MMAB: variants seen among roughly 807,000 people sequenced by gnomAD.
The protein encoded by MMAB is metabolism of cobalamin associated B.
Under a neutral mutation model 30.6 loss-of-function variants are expected in MMAB, and 17 were observed. That is an observed-to-expected ratio of 0.56 (90% confidence interval 0.38 to 0.83). The LOEUF is 0.83. Among genes scored for constraint, MMAB ranks in the 40% least tolerant of loss-of-function variants. The probability of loss-of-function intolerance (pLI) is 0.00; values close to 1 mark genes in which losing one functional copy is unlikely to be tolerated. For synonymous variants in MMAB, 134 were observed against 138.6 expected (o/e 0.97, Z 0.23); for missense variants, 311 against 331.6 (o/e 0.94, Z 0.48).
chr12:109,568,700 G>T, intron 3 of MMAB, 70 bp downstream of exon 3: 4 of 1,196,098 alleles, frequency 3.3e-6, no homozygotes, highest in Non-Finnish European at 3.8e-6. Flanking sequence ...ATGCGTGAGA[G>T]CTTCACATTC....
In MMAB at chr12:109,568,796, A is replaced by T. The variant is rs1884532298; in HGVS notation, c.264T>A (p.Thr88=). Residue 88 remains threonine, a synonymous_variant, in exon 3 of 9, where the codon ACT becomes ACA. Coordinates refer to ENST00000545712, the MANE Select transcript of MMAB (RefSeq NM_052845.4). The stretch of plus-strand genomic sequence containing the variant: ...CAATAGCTGAACTTAATTCATCTGT[A>T]GTTCCCACGGCTTCAAACACTTGGT... ...KDDQVFEAVG[T]TDELSSAIGF... is the part of the protein sequence containing the mutation. The T allele has an allele frequency of 6.2e-7, 1 of 1,614,124 alleles. No individual in the cohort carries two copies.
intron 1 of MMAB, 118 bp downstream of exon 1, chr12:109,573,229 G>T: frequency 7.3e-7 from 1 of 1,372,510 alleles, no homozygotes; most frequent in Non-Finnish European, 1.0e-6. Context: ...CGTCAGAACA[G>T]CGTGGAGACG....
At position 109,561,854 on chromosome 12, in the gene MMAB, TG is replaced by T. The variant is rs759049347; in HGVS notation, c.349-3del. The T allele has an allele frequency of 1.9e-6, 3 of 1,602,908 alleles. No individual in the cohort carries two copies. The highest frequency in any genetic ancestry group is 2.2e-5 in the East Asian group (1 of 44,540). On this transcript the variant is annotated splice_region_variant and splice_polypyrimidine_tract_variant and intron_variant, in intron 4 of 8. Transcript: ENST00000545712. This position sits in a 1 kb window ranked among gnomAD's most constrained non-coding sequence, Gnocchi z 5.3. ...GACGTCCTGCAATGTGCACTGGATCTGGGGGGCGACAGAAAGTGACAGTCAA... is the reference window on the plus strand; with the variant it reads ...GACGTCCTGCAATGTGCACTGGATCTGGGGGCGACAGAAAGTGACAGTCAA...
chr12:109,561,136 G>C lies in MMAB; in HGVS notation c.520-32C>G. 6.2e-7 allele frequency: 1 copy of C among 1,605,624 alleles called. No homozygotes were observed. ...GGAGAAAGGGACATTGCCTGAGCAGGGTGGGAAAGGTGTGCCCACTGCGGA... is the reference window on the plus strand; with the variant it reads ...GGAGAAAGGGACATTGCCTGAGCAGCGTGGGAAAGGTGTGCCCACTGCGGA... On this transcript the variant is annotated intron_variant, in intron 6 of 8. Coordinates refer to ENST00000545712, the MANE Select transcript of MMAB (RefSeq NM_052845.4). The surrounding 1 kb of genome is among the most constrained non-coding windows in gnomAD (Gnocchi z 5.3).
chr12:109,559,024 G>T, intron 8 of MMAB, 72 bp downstream of exon 8: 2 of 1,155,006 alleles, frequency 1.7e-6, no homozygotes, highest in Non-Finnish European at 2.6e-6. Flanking sequence ...TTCCCGGACC[G>T]CTGCACCGCT....
chr12:109,573,467 C>T lies in MMAB; in HGVS notation c.14G>A (p.Gly5Asp), dbSNP rs769048646. Residue 5 changes from glycine (G) to aspartate (D), a missense_variant, in exon 1 of 9, where the codon GGC becomes GAC. Physicochemically the swap from Gly to Asp is moderately conservative, Grantham distance 94 (BLOSUM62 -1). Transcript: ENST00000545712. MAVC[G>D]LGSRLGLGSR... ...CCCCAGGCCAAGACGGCTCCCCAGGCCGCACACAGCCATGAGCCAGGCTGC... is the reference window on the plus strand; with the variant it reads ...CCCCAGGCCAAGACGGCTCCCCAGGTCGCACACAGCCATGAGCCAGGCTGC... The T allele has an allele frequency of 5.1e-5, 82 of 1,604,902 alleles. No homozygotes were observed. The highest frequency in any genetic ancestry group is 1.5e-4 in the South Asian group (14 of 90,448).
rs950116490 is a variant in MMAB at position 109,558,106 on chromosome 12, C to A, written c.645-970G>T. On this transcript the variant is annotated intron_variant, in intron 8 of 8. Transcript: ENST00000545712. The surrounding 1 kb of genome is among the most constrained non-coding windows in gnomAD (Gnocchi z 4.3). ...TCCTGAGTCCTCCCCTGACTCAGGCCCCCTGGGCCCCACGGCTGGCTCTCA... is the reference window on the plus strand; with the variant it reads ...TCCTGAGTCCTCCCCTGACTCAGGCACCCTGGGCCCCACGGCTGGCTCTCA... Among the ~76,000 whole-genome samples the A allele has an allele frequency of 2.6e-5, 4 of 152,312 alleles. No homozygotes were observed. The highest frequency in any genetic ancestry group is 2.6e-4 in the Admixed American group (4 of 15,302).
rs1566132093 is a variant in MMAB, at chr12:109,561,011, G to A, written c.584+29C>T. On this transcript the variant is annotated intron_variant, in intron 7 of 8. Transcript: ENST00000545712. The surrounding 1 kb of genome is among the most constrained non-coding windows in gnomAD (Gnocchi z 5.3). ...CCCTTGTTCCTCTCCCTCTCCCTTGGGCCCTCTCCCTCTCTCCAGCCCTCT... is the reference window on the plus strand; with the variant it reads ...CCCTTGTTCCTCTCCCTCTCCCTTGAGCCCTCTCCCTCTCTCCAGCCCTCT... 8.0e-7 allele frequency: 1 copy of A among 1,257,340 alleles called. No individual in the cohort carries two copies. The highest frequency in any genetic ancestry group is 1.6e-5 in the African/African-American group (1 of 64,094). The allele number at this position is 1,257,340 out of a possible 1,614,324, so 77.9% of individuals were successfully genotyped here. A position where few individuals can be genotyped will look rare whatever the true frequency, so the allele number is the denominator to read the frequency against.
At chr12:109,557,900 G>A (rs1410938116) in intron 8 of MMAB, among the ~76,000 whole-genome samples, 1 of 152,242 alleles carries the variant, frequency 6.6e-6, no homozygotes, top group South Asian at 2.1e-4. Flanking sequence ...CCTTCTGCAG[G>A]GGCAGCAGTG....
rs1434392120 is a variant in MMAB at position 109,561,028 on chromosome 12, C to T, written c.584+12G>A. 1.9e-6 allele frequency: 3 copies of T among 1,607,048 alleles called. No individual in the cohort carries two copies. Among genetic ancestry groups the T allele is most frequent in the Admixed American group, 1.7e-5 (1 of 59,914 alleles). ...CTCCCTTGGGCCCTCTCCCTCTCTCCAGCCCTCTTACCGTCTCTCGGCCCG... is the reference window on the plus strand; with the variant it reads ...CTCCCTTGGGCCCTCTCCCTCTCTCTAGCCCTCTTACCGTCTCTCGGCCCG... On this transcript the variant is annotated intron_variant, in intron 7 of 8. Transcript: ENST00000545712. The surrounding 1 kb of genome is among the most constrained non-coding windows in gnomAD (Gnocchi z 5.3).
intron 7 of MMAB, 56 bp from the exon 8 acceptor site, chr12:109,559,211 A>C: frequency 7.5e-7 from 1 of 1,338,390 alleles, no homozygotes; most frequent in Non-Finnish European, 1.1e-6. Flanking sequence ...ACAGGCTCTG[A>C]CCTGGGCCTA....
At chr12:109,572,766 G>A (rs72651707) in intron 1 of MMAB, among the ~76,000 whole-genome samples, 1 of 152,082 alleles carries the variant, frequency 6.6e-6, no homozygotes, top group South Asian at 2.1e-4. Context: ...AAAGAAACCT[G>A]AGCCACTTCC....
chr12:109,565,399 A>T (rs1884383253), intron 3 of MMAB, among the ~76,000 whole-genome samples: 1 of 152,182 alleles, frequency 6.6e-6, no homozygotes, highest in Non-Finnish European at 1.5e-5. Flanking sequence ...TCCAGTCAAG[A>T]ATTCCTTTTG....
At position 109,556,654 on chromosome 12, in the gene MMAB, A is replaced by T. The variant is rs549601416; in HGVS notation, c.*374T>A. On this transcript the variant is annotated 3_prime_UTR_variant, in exon 9 of 9. Coordinates refer to ENST00000545712, the MANE Select transcript of MMAB (RefSeq NM_052845.4). ...GCAGTGGGAGGGCTCTCTCTCACAC[A>T]CACACACACACACACACACACACAC... 0.017 allele frequency: 3,426 copies of T among 196,390 alleles called. 68 individuals carry two copies. The highest frequency in any genetic ancestry group is 0.094 in the African/African-American group (2,156 of 23,038). The allele number at this position is 196,390 out of a possible 1,614,324, so 12.2% of individuals were successfully genotyped here. A position where few individuals can be genotyped will look rare whatever the true frequency, so the allele number is the denominator to read the frequency against.
rs1884229293 is a variant in MMAB at position 109,561,948 on chromosome 12, G to A, written c.349-96C>T. On this transcript the variant is annotated intron_variant, in intron 4 of 8. Transcript: ENST00000545712. This position sits in a 1 kb window ranked among gnomAD's most constrained non-coding sequence, Gnocchi z 5.3. ...GCCACCTAATACGCCGGCAAAGCCT[G>A]TGCCAGCTAGCTCATGAAGGGCTGT... The A allele has an allele frequency of 1.9e-6, 2 of 1,060,404 alleles. No individual in the cohort carries two copies. The highest frequency in any genetic ancestry group is 5.2e-5 in the East Asian group (2 of 38,414). 65.7% of individuals were successfully genotyped at this position (1,060,404 alleles called of 1,614,324 possible). A position where few individuals can be genotyped will look rare whatever the true frequency, so the allele number is the denominator to read the frequency against.
chr12:109,555,274 G>GGTTTT lies in MMAB; in HGVS notation c.*1749_*1753dup, dbSNP rs1555273657. 3.5e-5 allele frequency: 12 copies of GGTTTT among 338,536 alleles called. 1 individual carries two copies. The African/African-American group carries it at 3.8e-4, about 11-fold the overall frequency. 21.0% of individuals were successfully genotyped at this position (338,536 alleles called of 1,614,324 possible). A position where few individuals can be genotyped will look rare whatever the true frequency, so the allele number is the denominator to read the frequency against. On this transcript the variant is annotated 3_prime_UTR_variant, in exon 9 of 9. Coordinates refer to ENST00000545712, the MANE Select transcript of MMAB (RefSeq NM_052845.4). The stretch of plus-strand genomic sequence containing the variant: ...CGAGCCTTAGTGATTGCGTTTTCAG[G>GGTTTT]GTTTTTTTTTTTTTTTTTTTTTTTT...
intron 7 of MMAB, 70 bp downstream of exon 7, chr12:109,560,968 CCT>C: frequency 3.5e-6 from 3 of 845,978 alleles, no homozygotes; most frequent in Non-Finnish European, 5.8e-6. Flanking sequence ...TCCTCCTCTC[CCT>C]CTCCCTCCCC....
At position 109,569,048 on chromosome 12, in the gene MMAB, T is replaced by C. The variant is rs1593004525; in HGVS notation, c.197-185A>G. Among the ~76,000 whole-genome samples the C allele has an allele frequency of 6.6e-6, 1 of 152,066 alleles. No homozygotes were observed. The highest frequency in any genetic ancestry group is 1.5e-5 in the Non-Finnish European group (1 of 68,018). ...GCAGCCTCCCCCTCCCAGGTTCAAG[T>C]GATTCTCATGCCTCAGTCTCCCAAG... On this transcript the variant is annotated intron_variant, in intron 2 of 8. Coordinates refer to ENST00000545712, the MANE Select transcript of MMAB (RefSeq NM_052845.4). This position sits in a 1 kb window ranked among gnomAD's most constrained non-coding sequence, Gnocchi z 4.1.
intron 2 of MMAB, among the ~76,000 whole-genome samples, chr12:109,570,919 C>G (rs1414504866): frequency 6.7e-6 from 1 of 149,122 alleles, no homozygotes. Context: ...TCTTCTGCAT[C>G]TTACTTTTTT....
Sources: allele counts gnomAD v4.1 joint callset (sites outside exome capture counted in the v4.1 genomes callset), GRCh38; gene constraint gnomAD v4.1.1; non-coding constraint Gnocchi (gnomAD v3.1); transcripts MANE v1.5; gene names NCBI Gene and HGNC (gene_info 2026-07-23, HGNC 2026-07-21).